The following KCTD8 variants were observed in gnomAD, a reference collection of about 807,000 sequenced individuals.
KCTD8 encodes potassium channel tetramerization domain containing 8.
Under a neutral mutation model 31.5 loss-of-function variants are expected in KCTD8, and 27 were observed. The observed-to-expected ratio is 0.86, with a 90% confidence interval of 0.63 to 1.18. KCTD8 has a LOEUF of 1.18. Ranked by LOEUF, KCTD8 falls within the 50% of genes most tolerant of loss-of-function variation. KCTD8 has a pLI of 0.00. For synonymous variants in KCTD8, 290 were observed against 280.0 expected, an observed-to-expected ratio of 1.04 and a Z score of -0.36; for missense variants, 658 against 647.7, an observed-to-expected ratio of 1.02 and a Z score of -0.17.
At chr4:44,391,811 T>C (rs932729371) in intron 1 of KCTD8, among the ~76,000 whole-genome samples, 1 of 151,972 alleles carries the variant, frequency 6.6e-6, no homozygotes, top group African/African-American at 2.4e-5. Context: ...AATACCAATG[T>C]CATTGTTAGT....
chr4:44,414,349 C>T (rs1480219016), intron 1 of KCTD8, among the ~76,000 whole-genome samples: 1 of 149,336 alleles, frequency 6.7e-6, no homozygotes, highest in African/African-American at 2.6e-5. Flanking sequence ...CAAAATTCCA[C>T]AAAACAATGT....
chr4:44,286,810 T>A (rs1016684187), intron 1 of KCTD8, among the ~76,000 whole-genome samples: 1 of 151,806 alleles, frequency 6.6e-6, no homozygotes, highest in African/African-American at 2.4e-5. Context: ...AATAGAGGGA[T>A]TGAATAGGAG....
chr4:44,338,050 A>C (rs1302998384), intron 1 of KCTD8, among the ~76,000 whole-genome samples: 1 of 152,106 alleles, frequency 6.6e-6, no homozygotes, highest in Non-Finnish European at 1.5e-5. Context: ...ATGAGAAAAA[A>C]ATACATTTAA....
intron 1 of KCTD8, among the ~76,000 whole-genome samples, chr4:44,338,177 A>C (rs182002830): frequency 2.0e-4 from 31 of 152,252 alleles, no homozygotes; most frequent in South Asian, 4.1e-4. Context: ...ATTAGAGATG[A>C]TGTGTATTTT....
At chr4:44,301,868 T>G (rs1717634748) in intron 1 of KCTD8, among the ~76,000 whole-genome samples, 2 of 152,230 alleles carry the variant, frequency 1.3e-5, no homozygotes, top group South Asian at 4.1e-4. Flanking sequence ...ATTTAAGTCT[T>G]TAATCCATCT....
intron 1 of KCTD8, among the ~76,000 whole-genome samples, chr4:44,393,655 T>G (rs867844464): frequency 4.6e-5 from 7 of 151,882 alleles, no homozygotes; most frequent in Middle Eastern, 3.4e-3. Context: ...ATGGAGTTTA[T>G]GAATGGTAGT....
chr4:44,246,488 C>T (rs1715670609), intron 1 of KCTD8, among the ~76,000 whole-genome samples: 1 of 152,004 alleles, frequency 6.6e-6, no homozygotes, highest in African/African-American at 2.4e-5. Flanking sequence ...TACAAATATC[C>T]TCTTTCAAGA....
chr4:44,267,352 C>A (rs1339136568), intron 1 of KCTD8, among the ~76,000 whole-genome samples: 1 of 152,062 alleles, frequency 6.6e-6, no homozygotes, highest in South Asian at 2.1e-4. Flanking sequence ...CCAATGAGAA[C>A]AAAGACACAA....
At chr4:44,195,984 A>G (rs1349577938) in intron 1 of KCTD8, among the ~76,000 whole-genome samples, 1 of 152,390 alleles carries the variant, frequency 6.6e-6, no homozygotes, top group East Asian at 1.9e-4. Flanking sequence ...TGATTGAACA[A>G]TAAAACAAAT....
chr4:44,279,050 T>A (rs1250705296), intron 1 of KCTD8, among the ~76,000 whole-genome samples: 1 of 152,104 alleles, frequency 6.6e-6, no homozygotes, highest in Non-Finnish European at 1.5e-5. Flanking sequence ...TCCCATTACA[T>A]GTCAGCTTTG....
chr4:44,332,224 C>A (rs2109412987), intron 1 of KCTD8, among the ~76,000 whole-genome samples: 1 of 151,956 alleles, frequency 6.6e-6, no homozygotes, highest in South Asian at 2.1e-4. Flanking sequence ...CAGTGTTTTT[C>A]CTGGTTTTCT....
chr4:44,201,259 A>G (rs1714141800), intron 1 of KCTD8, among the ~76,000 whole-genome samples: 1 of 151,976 alleles, frequency 6.6e-6, no homozygotes, highest in Non-Finnish European at 1.5e-5. Context: ...ATTCAATTAT[A>G]TTATATCAAA....
At chr4:44,431,668 C>T (rs1721509836) in intron 1 of KCTD8, among the ~76,000 whole-genome samples, 1 of 151,522 alleles carries the variant, frequency 6.6e-6, no homozygotes, top group Non-Finnish European at 1.5e-5. Flanking sequence ...TATCTTTTGA[C>T]AGATATACTC....
At chr4:44,236,932 C>A (rs1254526785) in intron 1 of KCTD8, among the ~76,000 whole-genome samples, 1 of 152,122 alleles carries the variant, frequency 6.6e-6, no homozygotes, top group Non-Finnish European at 1.5e-5. Flanking sequence ...GCTTGGCTTT[C>A]GTTCTCTTTT....
intron 1 of KCTD8, among the ~76,000 whole-genome samples, chr4:44,322,389 T>C (rs1718319120): frequency 6.6e-6 from 1 of 152,074 alleles, no homozygotes. Flanking sequence ...GCCATTTGTA[T>C]GTCTTCTTTT....
intron 1 of KCTD8, among the ~76,000 whole-genome samples, chr4:44,200,770 C>T (rs1714120482): frequency 6.6e-6 from 1 of 152,058 alleles, no homozygotes; most frequent in Non-Finnish European, 1.5e-5. Flanking sequence ...CCATTCTCAA[C>T]ATTCCTATTC....
chr4:44,399,211 C>T (rs539135088), intron 1 of KCTD8, among the ~76,000 whole-genome samples: 63 of 151,978 alleles, frequency 4.1e-4, no homozygotes, highest in African/African-American at 1.3e-3. Context: ...ATCCATTAGG[C>T]GAGAACAATT....
chr4:44,260,831 A>C (rs2109365562), intron 1 of KCTD8, among the ~76,000 whole-genome samples: 1 of 152,112 alleles, frequency 6.6e-6, no homozygotes, highest in South Asian at 2.1e-4. Flanking sequence ...ATCATTGGAA[A>C]GTTAAGAGCA....
rs180762899 is a variant in KCTD8 at position 44,297,991 on chromosome 4, C to T, written c.962-122741G>A. 2.8e-3 allele frequency among the ~76,000 whole-genome samples: 424 copies of T among 152,180 alleles called. 1 individual carries two copies. Among genetic ancestry groups the T allele is most frequent in the African/African-American group, 9.8e-3 (409 of 41,532 alleles). On this transcript the variant is annotated intron_variant, in intron 1 of 1. Coordinates refer to ENST00000360029, the MANE Select transcript of KCTD8 (RefSeq NM_198353.3). ...ATTGCTGCATCTATTTTTGAGACTG[C>T]CATTAGACTATGAACTCATTTGAGT... is the stretch of plus-strand genomic sequence containing the variant.
Sources: allele counts gnomAD v4.1 joint callset (sites outside exome capture counted in the v4.1 genomes callset), GRCh38; gene constraint gnomAD v4.1.1; transcripts MANE v1.5; gene names NCBI Gene and HGNC (gene_info 2026-07-23, HGNC 2026-07-21).